The following PHKG1 variants were observed in gnomAD, a reference collection of about 807,000 sequenced individuals.
PHKG1 encodes the protein phosphorylase kinase catalytic subunit gamma 1, also known as phosphorylase b kinase gamma catalytic chain, skeletal muscle/heart isoform.
Under a neutral mutation model 50.5 loss-of-function variants are expected in PHKG1, and 48 were observed. The ratio of observed to expected loss-of-function variants is 0.95; its 90% CI spans 0.75 to 1.21. PHKG1 has a LOEUF of 1.21. PHKG1 is among the 50% of genes most tolerant of loss of function. The pLI, the probability that PHKG1 is intolerant of heterozygous loss-of-function variation, is 0.00. For missense variants in PHKG1, 487 were observed against 519.5 expected, an observed-to-expected ratio of 0.94 and a Z score of 0.61; for synonymous variants, 204 against 212.8, an observed-to-expected ratio of 0.96 and a Z score of 0.36.
intron 2 of PHKG1, 77 bp downstream of exon 2, chr7:56,088,782 T>C: frequency 1.1e-6 from 1 of 949,042 alleles, no homozygotes; most frequent in Non-Finnish European, 1.7e-6. Flanking sequence ...GTACTCGGGG[T>C]GGAGCAGAGC....
chr7:56,091,678 GC>G lies in PHKG1; in HGVS notation c.-35+1157del, dbSNP rs1322439469. Among the ~76,000 whole-genome samples, 4 of 152,314 alleles carry G rather than the reference GC, an allele frequency of 2.6e-5. 1 individual carries two copies. Among genetic ancestry groups the G allele is most frequent in the African/African-American group, 9.6e-5 (4 of 41,586 alleles). On this transcript the variant is annotated intron_variant, in intron 1 of 9. Coordinates refer to ENST00000297373, the MANE Select transcript of PHKG1 (RefSeq NM_006213.5). The stretch of plus-strand genomic sequence containing the variant: ...CCCCACTGCTTCTGGGCCTAAGAAG[GC>G]CTGGTCTCACAAAGGAGCCAATTTG...
chr7:56,083,967 G>A (rs1017942148), intron 4 of PHKG1, among the ~76,000 whole-genome samples: 4 of 152,120 alleles, frequency 2.6e-5, no homozygotes, highest in African/African-American at 9.7e-5. Flanking sequence ...CGAGGAATAG[G>A]CCTAGGTTTC....
chr7:56,089,022 C>T (rs1796387819), intron 1 of PHKG1, 47 bp from the exon 2 acceptor site: 2 of 898,926 alleles, frequency 2.2e-6, no homozygotes, highest in Non-Finnish European at 1.8e-6. Context: ...GACCCAGGGG[C>T]TGTTCTCCTT....
intron 6 of PHKG1, 63 bp downstream of exon 6, chr7:56,083,215 A>G (rs1048212380): frequency 4.1e-5 from 60 of 1,458,370 alleles, no homozygotes; most frequent in Non-Finnish European, 5.6e-5. Context: ...GACCATCTCT[A>G]TTCTGCAGAT....
chr7:56,091,312 C>T (rs143794730), intron 1 of PHKG1, among the ~76,000 whole-genome samples: 3,222 of 152,178 alleles, frequency 0.021, 47 homozygotes, highest in Non-Finnish European at 0.033. Context: ...GTCAGGAGAT[C>T]GAGACCATCC....
chr7:56,086,455 G>A (rs542962017), intron 4 of PHKG1, among the ~76,000 whole-genome samples: 61 of 152,182 alleles, frequency 4.0e-4, no homozygotes, highest in African/African-American at 1.4e-3. Flanking sequence ...GGAGAATCAC[G>A]TGAGGCCAAG....
rs1584619932 is a variant in PHKG1, at chr7:56,082,231, G to C, written c.570C>G (p.Tyr190Ter). 2 of 1,613,704 alleles carry C rather than the reference G, an allele frequency of 1.2e-6. No homozygotes were observed. Among genetic ancestry groups the C allele is most frequent in the East Asian group, 4.5e-5 (2 of 44,876 alleles). Reference sequence around the variant, plus strand: ...AGCACTCGATAATCTCAGGGGCCAGGTAACTGGGGGTCCCGCAGACCTCTG... The same window carrying C: ...AGCACTCGATAATCTCAGGGGCCAGCTAACTGGGGGTCCCGCAGACCTCTG... ...RLREVCGTPS[Y>*]LAPEIIECSM... The change falls in exon 7 of 10, where the codon TAC (tyrosine) becomes TAG (stop). Residue 190 changes from tyrosine to a stop codon, truncating the protein, a stop_gained. Coordinates refer to ENST00000297373, the MANE Select transcript of PHKG1 (RefSeq NM_006213.5). LOFTEE classifies it high-confidence loss of function.
rs1227716224 is a variant in PHKG1, at chr7:56,080,981, C to T, written c.*73G>A. ...CTTCTGCAGAGGCCTGCACGCATCTCACCCCTTTGACTTGTATTTCCATGG... is the reference window on the plus strand; with the variant it reads ...CTTCTGCAGAGGCCTGCACGCATCTTACCCCTTTGACTTGTATTTCCATGG... On this transcript the variant is annotated 3_prime_UTR_variant, in exon 10 of 10. Transcript: ENST00000297373. 4.5e-6 allele frequency: 7 copies of T among 1,563,988 alleles called. No individual in the cohort carries two copies. The highest frequency in any genetic ancestry group is 4.4e-6 in the Non-Finnish European group (5 of 1,149,274).
At chr7:56,087,821 A>G (rs971770932) in intron 2 of PHKG1, 45 bp from the exon 3 acceptor site, 10 of 1,519,778 alleles carry the variant, frequency 6.6e-6, no homozygotes, top group Non-Finnish European at 8.1e-6. Flanking sequence ...CCCTCACCCC[A>G]TGGGGGGTCC....
chr7:56,082,105 G>C, intron 7 of PHKG1, 58 bp downstream of exon 7: 1 of 1,610,808 alleles, frequency 6.2e-7, no homozygotes, highest in South Asian at 1.1e-5. Flanking sequence ...GCCCAGCCCT[G>C]CCTACTTCCT....
Position 56,083,331 on chromosome 7 carries a change from T to C in PHKG1, c.494A>G (p.Lys165Arg). The change falls in exon 6 of 10, where the codon AAG (lysine) becomes AGG (arginine). Residue 165 changes from lysine to arginine, a missense_variant. Transcript: ENST00000297373. Reference sequence around the variant, plus strand: ...GCAGGAAAAGCCAAAGTCTGTGAGCTTGATGTTCATGTTGTCATCCAAGAG... The same window carrying C: ...GCAGGAAAAGCCAAAGTCTGTGAGCCTGATGTTCATGTTGTCATCCAAGAG... ...NILLDDNMNI[K>R]LTDFGFSCQL... 8 of 1,614,152 alleles carry C rather than the reference T, an allele frequency of 5.0e-6. No homozygotes were observed. Among genetic ancestry groups the C allele is most frequent in the Non-Finnish European group, 6.8e-6 (8 of 1,180,022 alleles).
At position 56,087,647 on chromosome 7, in the gene PHKG1, C is replaced by T. The variant is rs56345718; in HGVS notation, c.213G>A (p.Thr71=). Residue 71 remains threonine (T), a synonymous_variant, in exon 3 of 10, where the codon ACG becomes ACA. Coordinates refer to ENST00000297373, the MANE Select transcript of PHKG1 (RefSeq NM_006213.5). ...TGCGCAGGATGTCCACCTCCTTCAG[C>T]GTGGCTTCTCGCAGCTCCCGCACCT... is the stretch of plus-strand genomic sequence containing the variant. The part of the protein sequence containing the change: ...PEEVRELREA[T]LKEVDILRKV... 91 of 1,613,860 alleles carry T rather than the reference C, an allele frequency of 5.6e-5. No homozygotes were observed. The highest frequency in any genetic ancestry group is 7.3e-5 in the Non-Finnish European group (86 of 1,180,018).
chr7:56,083,528 G>A, intron 5 of PHKG1, 87 bp from the exon 6 acceptor site: 2 of 1,537,750 alleles, frequency 1.3e-6, no homozygotes, highest in Non-Finnish European at 1.8e-6. Context: ...CAGCCACACT[G>A]CAAGGGAGCA....
chr7:56,080,790 C>G lies in PHKG1; in HGVS notation c.*264G>C, dbSNP rs1795933946. On this transcript the variant is annotated 3_prime_UTR_variant, in exon 10 of 10. Transcript: ENST00000297373. ...GTGGCTCATCTAGGAAGTAGAGGAG[C>G]AGGGGGTTCCTGGTTCTCAGGCCAC... The G allele has an allele frequency of 1.9e-6, 1 of 523,792 alleles. No individual in the cohort carries two copies. The highest frequency in any genetic ancestry group is 3.5e-6 in the Non-Finnish European group (1 of 289,800). 32.4% of individuals were successfully genotyped at this position (523,792 alleles called of 1,614,324 possible).
rs115227938 is a variant in PHKG1, at chr7:56,082,275, G to A, written c.548-22C>T. The A allele has an allele frequency of 2.4e-3, 3,753 of 1,592,078 alleles. 82 individuals carry two copies. The African/African-American group carries it at 0.044, about 19-fold the overall frequency. On this transcript the variant is annotated intron_variant, in intron 6 of 9. Coordinates refer to ENST00000297373, the MANE Select transcript of PHKG1 (RefSeq NM_006213.5). ...ACCTCTGCAGGAACAGTCATCATCA[G>A]GGCAGGTCAGCAGGGCACTCAGAAG...
In PHKG1 at chr7:56,082,251, C is replaced by T. The variant is rs768578172; in HGVS notation, c.550G>A (p.Val184Ile). 33 of 1,612,110 alleles carry T rather than the reference C, an allele frequency of 2.0e-5. No homozygotes were observed. In the South Asian group the frequency reaches 3.5e-4, roughly 17 times the overall value. Residue 184 changes from valine to isoleucine, a missense_variant and splice_region_variant, in exon 7 of 10, where the codon GTC becomes ATC. Coordinates refer to ENST00000297373, the MANE Select transcript of PHKG1 (RefSeq NM_006213.5). ...GCCAGGTAACTGGGGGTCCCGCAGA[C>T]CTCTGCAGGAACAGTCATCATCAGG... Reference protein sequence around the residue: ...QLEPGERLREVCGTPSYLAPE... With the variant: ...QLEPGERLREICGTPSYLAPE...
Position 56,080,935 on chromosome 7 carries a change from C to G in PHKG1, c.*119G>C. 4.8e-6 allele frequency: 6 copies of G among 1,239,918 alleles called. No homozygotes were observed. Among genetic ancestry groups the G allele is most frequent in the Non-Finnish European group, 6.7e-6 (6 of 900,052 alleles). The allele number at this position is 1,239,918 out of a possible 1,614,324, so 76.8% of individuals were successfully genotyped here. A position where few individuals can be genotyped will look rare whatever the true frequency, so the allele number is the denominator to read the frequency against. On this transcript the variant is annotated 3_prime_UTR_variant, in exon 10 of 10. Coordinates refer to ENST00000297373, the MANE Select transcript of PHKG1 (RefSeq NM_006213.5). ...GATCGTGGCCTCAGTTCCAGGGGTT[C>G]CTGGCCAGGGCCAAGTGCTCCTTCT...
At chr7:56,087,464 T>C in intron 3 of PHKG1, 134 bp downstream of exon 3, 1 of 771,206 alleles carries the variant, frequency 1.3e-6, no homozygotes, top group Non-Finnish European at 2.1e-6. Flanking sequence ...ATCAGAGCAG[T>C]GAGGGTGGAG....
intron 4 of PHKG1, chr7:56,084,276 T>G: frequency 7.7e-7 from 1 of 1,299,674 alleles, no homozygotes; most frequent in Non-Finnish European, 1.1e-6. Context: ...CTGGGATGTA[T>G]CGGGGCCTAA....
Sources: allele counts gnomAD v4.1 joint callset (sites outside exome capture counted in the v4.1 genomes callset), GRCh38; gene constraint gnomAD v4.1.1; transcripts MANE v1.5; gene names NCBI Gene and HGNC (gene_info 2026-07-23, HGNC 2026-07-21).